Variants in SYN3 observed in about 807,000 individuals in gnomAD.
The protein encoded by SYN3 is synapsin III, also known as synapsin-3.
In SYN3, 35 loss-of-function variants were observed where a neutral mutation model predicts 65.8. The ratio of observed to expected loss-of-function variants is 0.53; its 90% CI spans 0.41 to 0.70. The LOEUF (loss-of-function observed/expected upper bound fraction) is 0.70. Among genes scored for constraint, SYN3 ranks in the 30% least tolerant of loss-of-function variants. The pLI is 0.00. For missense variants in SYN3, 680 were observed against 749.0 expected (o/e 0.91, Z 1.08); for synonymous variants, 270 against 292.9 (o/e 0.92, Z 0.80).
rs111882866 is a variant in SYN3, at chr22:32,704,718, A to C, written c.712-107982T>G. On this transcript the variant is annotated intron_variant, in intron 6 of 13. Transcript: ENST00000358763. ...AAGTGTCCTGCACAACCTCACCAGC[A>C]TCTGTTACTTTTTGACTTTTTAATA... Among the ~76,000 whole-genome samples the C allele has an allele frequency of 4.5e-3, 680 of 152,298 alleles. 2 individuals are homozygous for C. Among genetic ancestry groups the C allele is most frequent in the African/African-American group, 0.015 (642 of 41,572 alleles).
At chr22:32,612,810 G>T (rs1043755279) in intron 6 of SYN3, among the ~76,000 whole-genome samples, 1 of 152,136 alleles carries the variant, frequency 6.6e-6, no homozygotes, top group African/African-American at 2.4e-5. Flanking sequence ...CTGAACTCCA[G>T]CCTGGGTGAC....
intron 6 of SYN3, among the ~76,000 whole-genome samples, chr22:32,786,770 C>T (rs1602145813): frequency 6.6e-6 from 1 of 152,278 alleles, no homozygotes; most frequent in East Asian, 1.9e-4. Context: ...ATTCCTGCAG[C>T]TTTTCTGTTA....
At chr22:32,785,777 T>C (rs974364550) in intron 6 of SYN3, among the ~76,000 whole-genome samples, 3 of 152,208 alleles carry the variant, frequency 2.0e-5, no homozygotes, top group East Asian at 3.9e-4. Flanking sequence ...TTTATCCATC[T>C]GTTTCTGTGT....
chr22:32,807,440 A>G (rs1298318344), intron 6 of SYN3, among the ~76,000 whole-genome samples: 4 of 134,754 alleles, frequency 3.0e-5, no homozygotes, highest in African/African-American at 1.1e-4. Flanking sequence ...TATAATATAT[A>G]TATTTCTTTT....
chr22:32,975,040 A>C (rs1336650773), intron 3 of SYN3, among the ~76,000 whole-genome samples: 1 of 152,102 alleles, frequency 6.6e-6, no homozygotes, highest in Non-Finnish European at 1.5e-5. Flanking sequence ...TGCTCAACTC[A>C]AATGTTAGGT....
chr22:32,931,158 C>G lies in SYN3; in HGVS notation c.461+232G>C, dbSNP rs959850309. On this transcript the variant is annotated intron_variant, in intron 4 of 13. Transcript: ENST00000358763. ...GAGCCTCAAAGCCAGAAATGGAACCCAAGTCTTTTCTCTCCAAGCCCAGGG... is the reference window on the plus strand; with the variant it reads ...GAGCCTCAAAGCCAGAAATGGAACCGAAGTCTTTTCTCTCCAAGCCCAGGG... The G allele has an allele frequency of 1.6e-5, 7 of 426,514 alleles. No individual in the cohort carries two copies. The East Asian group carries it at 2.8e-4, about 17-fold the overall frequency. The allele number at this position is 426,514 out of a possible 1,614,324, so 26.4% of individuals were successfully genotyped here.
At chr22:32,649,026 G>C (rs947484199) in intron 6 of SYN3, among the ~76,000 whole-genome samples, 3 of 152,154 alleles carry the variant, frequency 2.0e-5, no homozygotes, top group Non-Finnish European at 4.4e-5. Flanking sequence ...TTGTATCATC[G>C]TTCCTAATTC....
chr22:32,896,730 G>A lies in SYN3; in HGVS notation c.462-27605C>T, dbSNP rs564604419. ...ACAACTTTGTGAAGAAAGGGTAAAC[G>A]TGAAATTTTTTCCATATGTGATCTC... On this transcript the variant is annotated intron_variant, in intron 4 of 13. Transcript: ENST00000358763. Among the ~76,000 whole-genome samples the A allele has an allele frequency of 5.9e-5, 9 of 152,276 alleles. No individual in the cohort carries two copies. In the East Asian group the frequency reaches 1.2e-3, roughly 20 times the overall value.
chr22:32,801,809 G>C lies in SYN3; in HGVS notation c.711+63106C>G. On this transcript the variant is annotated intron_variant, in intron 6 of 13. Transcript: ENST00000358763. This position sits in a 1 kb window ranked among gnomAD's most constrained non-coding sequence, Gnocchi z 4.7. The stretch of plus-strand genomic sequence containing the variant: ...CGGGAGGCCGCCCGCCGAGTCCTGC[G>C]CCAGCGCCGAGGCAGCCTCGCTGCG... The C allele has an allele frequency of 1.9e-6, 1 of 530,792 alleles. No individual in the cohort carries two copies. The highest frequency in any genetic ancestry group is 2.6e-6 in the Non-Finnish European group (1 of 378,044). 32.9% of individuals were successfully genotyped at this position (530,792 alleles called of 1,614,324 possible).
intron 1 of SYN3, among the ~76,000 whole-genome samples, chr22:33,050,091 G>T (rs1284628342): frequency 6.6e-6 from 1 of 152,010 alleles, no homozygotes; most frequent in Non-Finnish European, 1.5e-5. Flanking sequence ...ACCTAAGACA[G>T]GGAGTCTTTG....
At chr22:32,856,678 T>C (rs1431964198) in intron 6 of SYN3, among the ~76,000 whole-genome samples, 1 of 152,218 alleles carries the variant, frequency 6.6e-6, no homozygotes, top group Non-Finnish European at 1.5e-5. Flanking sequence ...ATCTGAATTA[T>C]CCTCTACTAG....
intron 6 of SYN3, among the ~76,000 whole-genome samples, chr22:32,811,325 T>A (rs916069166): frequency 1.4e-4 from 21 of 152,232 alleles, no homozygotes; most frequent in African/African-American, 4.8e-4. Flanking sequence ...CCTTAGTCTA[T>A]ACAAGAGACT....
intron 3 of SYN3, among the ~76,000 whole-genome samples, chr22:32,965,593 C>T (rs568446654): frequency 1.2e-4 from 18 of 149,544 alleles, no homozygotes; most frequent in East Asian, 9.9e-4. Flanking sequence ...TGTGTGTGTG[C>T]GTAAGAGAGA....
intron 4 of SYN3, among the ~76,000 whole-genome samples, chr22:32,903,183 C>T (rs1206150785): frequency 1.3e-5 from 2 of 152,076 alleles, no homozygotes; most frequent in East Asian, 3.9e-4. Context: ...TTGAGTAAGA[C>T]CAGTGAATGT....
chr22:32,727,618 C>A (rs2061213849), intron 6 of SYN3, among the ~76,000 whole-genome samples: 1 of 152,138 alleles, frequency 6.6e-6, no homozygotes, highest in Non-Finnish European at 1.5e-5. Context: ...TAAAAGTGTT[C>A]TTTTCTCCAC....
At chr22:32,650,232 TCCCTCCCTCCCTCCCTCCCTCC>T (rs1569124570) in intron 6 of SYN3, among the ~76,000 whole-genome samples, 3 of 80,914 alleles carry the variant, frequency 3.7e-5, no homozygotes, top group Non-Finnish European at 6.5e-5. Flanking sequence ...TCTCTCTCTC[TCCCTCCCTCCCTCCCTCCCTCC>T]CTCCCTCTCT....
intron 1 of SYN3, among the ~76,000 whole-genome samples, chr22:33,043,835 A>C (rs1226047073): frequency 6.6e-6 from 1 of 152,104 alleles, no homozygotes; most frequent in Non-Finnish European, 1.5e-5. Flanking sequence ...CAGGCAGATC[A>C]TGAGGTCAAG....
intron 6 of SYN3, among the ~76,000 whole-genome samples, chr22:32,753,726 T>G (rs1029977761): frequency 6.6e-6 from 1 of 152,230 alleles, no homozygotes; most frequent in Non-Finnish European, 1.5e-5. Flanking sequence ...CAATCCCTCC[T>G]TTGGCCAACA....
At chr22:32,950,762 G>C (rs533880548) in intron 3 of SYN3, among the ~76,000 whole-genome samples, 1 of 152,294 alleles carries the variant, frequency 6.6e-6, no homozygotes, top group Admixed American at 6.5e-5. Flanking sequence ...CCCAGATTTA[G>C]CAGAGGAACT....
Sources: gnomAD v4.1 joint callset for allele counts (sites outside exome capture counted in the v4.1 genomes callset) on GRCh38, gnomAD v4.1.1 for gene constraint, Gnocchi (gnomAD v3.1) non-coding constraint, MANE v1.5 for transcripts, NCBI Gene and HGNC (gene_info 2026-07-23, HGNC 2026-07-21) for gene names.